The following FILIP1 variants were observed in gnomAD, a reference collection of about 807,000 sequenced individuals.
The protein encoded by FILIP1 is filamin A interacting protein 1, also known as filamin-A-interacting protein 1.
In FILIP1, 61 loss-of-function variants were observed where a neutral mutation model predicts 102.1. The ratio of observed to expected loss-of-function variants is 0.60; its 90% CI spans 0.49 to 0.74. The LOEUF (loss-of-function observed/expected upper bound fraction) is 0.74. Ranked by LOEUF, FILIP1 falls within the 30% of genes least tolerant of loss-of-function variation. The probability of loss-of-function intolerance (pLI) is 0.00; values close to 1 mark genes in which losing one functional copy is unlikely to be tolerated. For missense variants in FILIP1, 1,314 were observed against 1,441.2 expected (o/e 0.91, Z 1.43); for synonymous variants, 491 against 526.9 (o/e 0.93, Z 0.93).
chr6:75,292,314 G>A, exon 7 of FILIP1: 1 of 152,250 alleles, frequency 6.6e-6, no homozygotes, highest in South Asian at 2.1e-4. Context: ...ATATAGTTCT[G>A]CATTATTAAA....
chr6:75,397,614 T>C (rs1776512388), intron 2 of FILIP1, among the ~76,000 whole-genome samples: 1 of 149,552 alleles, frequency 6.7e-6, no homozygotes, highest in Non-Finnish European at 1.5e-5. Flanking sequence ...AATTCCAAGT[T>C]GGCAGGAATT....
intron 4 of FILIP1, chr6:75,319,860 C>A: frequency 2.3e-6 from 1 of 441,828 alleles, no homozygotes; most frequent in South Asian, 2.7e-5. Context: ...AAAGAAAACT[C>A]TGAGAAGTTG....
intron 2 of FILIP1, among the ~76,000 whole-genome samples, chr6:75,394,369 C>T (rs1776386839): frequency 6.6e-6 from 1 of 152,028 alleles, no homozygotes; most frequent in African/African-American, 2.4e-5. Flanking sequence ...TTTGTATAAT[C>T]TAAGAGTGGG....
chr6:75,360,214 T>C (rs1304380217), intron 3 of FILIP1, among the ~76,000 whole-genome samples: 1 of 152,200 alleles, frequency 6.6e-6, no homozygotes, highest in African/African-American at 2.4e-5. Context: ...CAGTATCTGG[T>C]AGGAGTAACA....
chr6:75,441,609 G>C (rs535960761), intron 1 of FILIP1, among the ~76,000 whole-genome samples: 303 of 148,472 alleles, frequency 2.0e-3, no homozygotes, highest in Non-Finnish European at 3.7e-3. Flanking sequence ...CGGGCAGGGG[G>C]CTGACCCCCC....
At chr6:75,343,975 T>G (rs1774496584) in intron 4 of FILIP1, among the ~76,000 whole-genome samples, 1 of 152,194 alleles carries the variant, frequency 6.6e-6, no homozygotes, top group African/African-American at 2.4e-5. Flanking sequence ...CACAGCCAGA[T>G]AGGCCCAAAG....
chr6:75,438,436 A>T (rs1778095768), intron 1 of FILIP1, among the ~76,000 whole-genome samples: 1 of 152,222 alleles, frequency 6.6e-6, no homozygotes, highest in Non-Finnish European at 1.5e-5. Context: ...AGTAAGATAT[A>T]AAAATGGAAA....
intron 1 of FILIP1, among the ~76,000 whole-genome samples, chr6:75,430,867 A>G (rs1777800675): frequency 6.6e-6 from 1 of 152,166 alleles, no homozygotes; most frequent in East Asian, 1.9e-4. Flanking sequence ...CTAAGAGGGG[A>G]AAGTAAGCTC....
intron 4 of FILIP1, among the ~76,000 whole-genome samples, chr6:75,333,503 T>A (rs1391396440): frequency 6.6e-6 from 1 of 152,126 alleles, no homozygotes; most frequent in African/African-American, 2.4e-5. Context: ...GAATTAAGAA[T>A]CCAGGAAGAT....
At chr6:75,410,727 C>T (rs868820417) in intron 2 of FILIP1, among the ~76,000 whole-genome samples, 1 of 152,150 alleles carries the variant, frequency 6.6e-6, no homozygotes, top group African/African-American at 2.4e-5. Context: ...AGGATATGAA[C>T]TCATTCTTTT....
intron 4 of FILIP1, among the ~76,000 whole-genome samples, chr6:75,324,001 G>T (rs748093499): frequency 6.6e-6 from 1 of 152,140 alleles, no homozygotes; most frequent in Non-Finnish European, 1.5e-5. Context: ...CCCCAGGCCT[G>T]CAGAACTGTG....
chr6:75,318,228 CTTTTTTTTTTTTTTT>C (rs35536817), intron 4 of FILIP1, among the ~76,000 whole-genome samples: 52 of 102,896 alleles, frequency 5.1e-4, no homozygotes, highest in Middle Eastern at 6.7e-3. Flanking sequence ...ATTATACAGT[CTTTTTTTTTTTTTTT>C]TTTTTTTTTA....
intron 4 of FILIP1, among the ~76,000 whole-genome samples, chr6:75,338,148 G>A (rs576870843): frequency 6.6e-6 from 1 of 152,282 alleles, no homozygotes; most frequent in Admixed American, 6.5e-5. Context: ...TAGGAGCTAT[G>A]CAGAAAATAT....
intron 4 of FILIP1, among the ~76,000 whole-genome samples, chr6:75,327,544 A>G (rs1031746445): frequency 6.9e-6 from 1 of 144,572 alleles, no homozygotes; most frequent in Non-Finnish European, 1.5e-5. Context: ...GAATATATAT[A>G]TATGAATATA....
intron 1 of FILIP1, among the ~76,000 whole-genome samples, chr6:75,416,709 C>A (rs111772983): frequency 6.6e-6 from 1 of 152,152 alleles, no homozygotes; most frequent in East Asian, 1.9e-4. Flanking sequence ...GACTTCATAC[C>A]ACATGTGAAT....
chr6:75,354,299 G>A (rs1406658533), intron 3 of FILIP1, among the ~76,000 whole-genome samples: 2 of 152,186 alleles, frequency 1.3e-5, no homozygotes, highest in South Asian at 2.1e-4. Flanking sequence ...TTAGCTGGGC[G>A]TGGTGGCTCA....
chr6:75,441,839 G>GC (rs1426246317), intron 1 of FILIP1, among the ~76,000 whole-genome samples: 4 of 111,892 alleles, frequency 3.6e-5, no homozygotes, highest in African/African-American at 7.0e-5. Context: ...CGGGGGGCTG[G>GC]CCCCCCCACC....
chr6:75,419,568 G>T (rs1777383572), intron 1 of FILIP1, among the ~76,000 whole-genome samples: 1 of 152,124 alleles, frequency 6.6e-6, no homozygotes, highest in Admixed American at 6.6e-5. Context: ...TTACAAGGTG[G>T]CCTGGCAAAA....
At chr6:75,402,573 C>A (rs1028230253) in intron 2 of FILIP1, among the ~76,000 whole-genome samples, 9 of 152,078 alleles carry the variant, frequency 5.9e-5, no homozygotes, top group African/African-American at 2.2e-4. Flanking sequence ...TACTGGAGGC[C>A]TTCCCATGTG....
Sources: allele counts gnomAD v4.1 joint callset (sites outside exome capture counted in the v4.1 genomes callset), GRCh38; gene constraint gnomAD v4.1.1; transcripts MANE v1.5; gene names NCBI Gene and HGNC (gene_info 2026-07-23, HGNC 2026-07-21).